Variants in TMEM181 observed in about 807,000 individuals in gnomAD.
TMEM181 encodes the protein G protein-coupled receptor 178.
In TMEM181, 39 loss-of-function variants were observed where a neutral mutation model predicts 71.9. That is an observed-to-expected ratio of 0.54 (90% CI 0.42 to 0.71). The LOEUF (loss-of-function observed/expected upper bound fraction) is 0.71, where lower values mean the gene tolerates loss of function less well. Among genes scored for constraint, TMEM181 ranks in the 30% least tolerant of loss-of-function variants. The pLI, the probability that TMEM181 is intolerant of heterozygous loss-of-function variation, is 0.00. For synonymous variants in TMEM181, 245 were observed against 228.8 expected, an observed-to-expected ratio of 1.07 and a Z score of -0.64; for missense variants, 595 against 583.0, an observed-to-expected ratio of 1.02 and a Z score of -0.21.
rs1449471555 is a variant in TMEM181, at chr6:158,632,398, A to G, written c.*510A>G. On this transcript the variant is annotated 3_prime_UTR_variant, in exon 17 of 17. Coordinates refer to ENST00000684151, the MANE Select transcript of TMEM181 (RefSeq NM_001376852.1). ...TGAGTGGCCAGTGCCCTGGGTAACC[A>G]GGTGGCTGAAGTGATTGGTCAGTTA... is the stretch of plus-strand genomic sequence containing the variant. The G allele has an allele frequency of 6.0e-6, 1 of 165,556 alleles. No individual in the cohort carries two copies. Among genetic ancestry groups the G allele is most frequent in the Admixed American group, 5.7e-5 (1 of 17,406 alleles). 10.3% of individuals were successfully genotyped at this position (165,556 alleles called of 1,614,324 possible). A position where few individuals can be genotyped will look rare whatever the true frequency, so the allele number is the denominator to read the frequency against.
Position 158,589,669 on chromosome 6 carries a change from C to G in TMEM181, c.382-3C>G, listed in dbSNP as rs776902529. 1 of 1,611,562 alleles carries G rather than the reference C, an allele frequency of 6.2e-7. No individual in the cohort carries two copies. Among genetic ancestry groups the G allele is most frequent in the Non-Finnish European group, 8.5e-7 (1 of 1,177,818 alleles). Reference sequence around the variant, plus strand: ...AAAGGCAAATCTTTCTGTGTATTTGCAGAAATGTGCGGAGATTATTGTGGC... The same window carrying G: ...AAAGGCAAATCTTTCTGTGTATTTGGAGAAATGTGCGGAGATTATTGTGGC... On this transcript the variant is annotated splice_region_variant and splice_polypyrimidine_tract_variant and intron_variant, in intron 5 of 16. Transcript: ENST00000684151.
chr6:158,588,041 G>T (rs1783881210), intron 5 of TMEM181, among the ~76,000 whole-genome samples: 1 of 152,230 alleles, frequency 6.6e-6, no homozygotes, highest in African/African-American at 2.4e-5. Context: ...TTGTCGAGAA[G>T]GTGGACCACA....
chr6:158,547,378 G>C (rs1781560594), intron 1 of TMEM181, among the ~76,000 whole-genome samples: 1 of 152,136 alleles, frequency 6.6e-6, no homozygotes, highest in Non-Finnish European at 1.5e-5. Flanking sequence ...TTTTTTTAAA[G>C]CTCCCCAGGT....
chr6:158,536,706 C>T (rs1195121700), exon 1 of TMEM181: 19 of 1,544,750 alleles, frequency 1.2e-5, no homozygotes, highest in East Asian at 7.5e-5. Context: ...GGTGGAGCGG[C>T]GGGACCGGGA....
chr6:158,544,987 A>T (rs1301123041), intron 1 of TMEM181, among the ~76,000 whole-genome samples: 1 of 152,184 alleles, frequency 6.6e-6, no homozygotes, highest in Non-Finnish European at 1.5e-5. Flanking sequence ...TGGCAAGACT[A>T]CCCTAAAAGG....
At chr6:158,573,565 G>C (rs377144559) in intron 2 of TMEM181, 42 bp downstream of exon 2, 7 of 1,510,032 alleles carry the variant, frequency 4.6e-6, no homozygotes, top group Non-Finnish European at 5.4e-6. Flanking sequence ...TGCCATGCGC[G>C]GTGGCCCTGG....
intron 10 of TMEM181, among the ~76,000 whole-genome samples, chr6:158,614,080 C>T (rs1785477011): frequency 6.6e-6 from 1 of 152,110 alleles, no homozygotes; most frequent in Admixed American, 6.6e-5. Context: ...AATATTATTC[C>T]CTCAAATAAA....
At chr6:158,566,324 C>CAGGGCAGAGGGAAAGGGTTCTT (rs1404748415) in intron 1 of TMEM181, among the ~76,000 whole-genome samples, 1 of 151,870 alleles carries the variant, frequency 6.6e-6, no homozygotes, top group Non-Finnish European at 1.5e-5. Flanking sequence ...TCTCGCAAGC[C>CAGGGCAGAGGGAAAGGGTTCTT]CGAGACAGGA....
chr6:158,627,004 C>A (rs1786341897), intron 13 of TMEM181, among the ~76,000 whole-genome samples: 1 of 145,914 alleles, frequency 6.9e-6, no homozygotes, highest in Non-Finnish European at 1.5e-5. Context: ...ACTCTCAGCA[C>A]ACCCTTACAG....
chr6:158,616,848 G>A (rs1233420940), intron 10 of TMEM181, among the ~76,000 whole-genome samples: 1 of 152,166 alleles, frequency 6.6e-6, no homozygotes. Flanking sequence ...CTTGATCGTG[G>A]TGGATAAGCT....
At chr6:158,566,690 G>A (rs951526124) in intron 1 of TMEM181, among the ~76,000 whole-genome samples, 3 of 151,390 alleles carry the variant, frequency 2.0e-5, no homozygotes, top group African/African-American at 7.3e-5. Flanking sequence ...AGGAGATGAT[G>A]GTGAAGAGTT....
intron 15 of TMEM181, among the ~76,000 whole-genome samples, 158 bp from the exon 16 acceptor site, chr6:158,631,165 C>T (rs1786643021): frequency 6.6e-6 from 1 of 152,364 alleles, no homozygotes; most frequent in Non-Finnish European, 1.5e-5. Flanking sequence ...GATGAGAAAA[C>T]AGCCTCACGA....
At chr6:158,565,319 G>A (rs1241401496) in intron 1 of TMEM181, among the ~76,000 whole-genome samples, 1 of 152,216 alleles carries the variant, frequency 6.6e-6, no homozygotes, top group Non-Finnish European at 1.5e-5. Flanking sequence ...TAGGCACTTA[G>A]TGGGCAAAGT....
chr6:158,541,437 A>G (rs1781340308), intron 1 of TMEM181, among the ~76,000 whole-genome samples: 2 of 151,890 alleles, frequency 1.3e-5, no homozygotes, highest in South Asian at 4.2e-4. Flanking sequence ...AAAAACAAAA[A>G]ACAAAAAACA....
chr6:158,630,972 T>C lies in TMEM181; in HGVS notation c.1283-351T>C, dbSNP rs373886654. On this transcript the variant is annotated intron_variant, in intron 15 of 16. Transcript: ENST00000684151. Reference sequence around the variant, plus strand: ...AGCAGCTCGCTGCACGTCCAAGGACTGGGCGGGGGCAGGCAGGGCAGAGCC... The same window carrying C: ...AGCAGCTCGCTGCACGTCCAAGGACCGGGCGGGGGCAGGCAGGGCAGAGCC... 2.0e-5 allele frequency among the ~76,000 whole-genome samples: 3 copies of C among 152,352 alleles called. No individual in the cohort carries two copies. The East Asian group carries it at 5.8e-4, about 29-fold the overall frequency.
At chr6:158,549,453 C>G (rs1447552343) in intron 1 of TMEM181, among the ~76,000 whole-genome samples, 5 of 152,144 alleles carry the variant, frequency 3.3e-5, no homozygotes, top group Non-Finnish European at 5.9e-5. Context: ...TCAAGTGATT[C>G]AGAATGTTCT....
chr6:158,551,253 C>G (rs1781715781), intron 1 of TMEM181, among the ~76,000 whole-genome samples: 1 of 152,098 alleles, frequency 6.6e-6, no homozygotes, highest in African/African-American at 2.4e-5. Flanking sequence ...AACCACTGTG[C>G]CCGGCTCAAT....
chr6:158,573,487 A>T lies in TMEM181; in HGVS notation c.76A>T (p.Ile26Phe), dbSNP rs763698259. The T allele has an allele frequency of 2.9e-5, 46 of 1,607,774 alleles. 1 individual carries two copies. Among genetic ancestry groups the T allele is most frequent in the Non-Finnish European group, 3.8e-5 (45 of 1,177,146 alleles). The change falls in exon 2 of 17, where the codon ATC (isoleucine) becomes TTC (phenylalanine). Residue 26 changes from isoleucine (I) to phenylalanine (F), a missense_variant. Ile to Phe is a conservative substitution (Grantham distance 21). Coordinates refer to ENST00000684151, the MANE Select transcript of TMEM181 (RefSeq NM_001376852.1). The part of the protein sequence containing the change: ...HFVLVFVVFF[I>F]CFGLTIFVGI... ...TGTCCTCGTGTTTGTCGTCTTCTTC[A>T]TCTGCTTTGGCCTGACCATCTTCGT...
intron 13 of TMEM181, 198 bp from the exon 14 acceptor site, chr6:158,628,209 CA>C: frequency 2.8e-6 from 2 of 703,980 alleles, no homozygotes; most frequent in East Asian, 2.7e-5. Context: ...GATCCGAGAC[CA>C]AAAACCAGAA....
Sources: allele counts gnomAD v4.1 joint callset (sites outside exome capture counted in the v4.1 genomes callset), GRCh38; gene constraint gnomAD v4.1.1; transcripts MANE v1.5; gene names NCBI Gene and HGNC (gene_info 2026-07-23, HGNC 2026-07-21).